HMBOX1: variants seen among roughly 807,000 people sequenced by gnomAD.
HMBOX1 encodes homeobox containing 1, also known as homeobox-containing protein 1.
HMBOX1 carries 14 observed loss-of-function variants against 54.5 expected under a neutral mutation model. The observed-to-expected ratio is 0.26, with a 90% CI of 0.17 to 0.40. The LOEUF (loss-of-function observed/expected upper bound fraction) is 0.40. Among genes scored for constraint, HMBOX1 ranks in the 10% least tolerant of loss-of-function variants. The pLI is 1.00. For synonymous variants in HMBOX1, 160 were observed against 181.0 expected (o/e 0.88, Z 0.93); for missense variants, 332 against 514.4 (o/e 0.65, Z 3.43).
Position 29,047,389 on chromosome 8 carries a change from C to G in HMBOX1, c.966C>G (p.Thr322=), listed in dbSNP as rs2133375532. Residue 322 remains threonine, a synonymous_variant, in exon 8 of 10, where the codon ACC becomes ACG. Coordinates refer to ENST00000287701, the MANE Select transcript of HMBOX1 (RefSeq NM_001135726.3). ...AGCTGTCAGATCTGGAAAGAGTTAC[C>G]TCCCTGAAAGTATATAATTGGTTTG... ...GKKLSDLERV[T]SLKVYNWFAN... is the part of the protein sequence containing the mutation. 1.2e-6 allele frequency: 2 copies of G among 1,609,850 alleles called. No homozygotes were observed. The highest frequency in any genetic ancestry group is 2.2e-5 in the East Asian group (1 of 44,838).
intron 6 of HMBOX1, among the ~76,000 whole-genome samples, chr8:29,025,207 C>T (rs750708409): frequency 6.6e-6 from 1 of 152,158 alleles, no homozygotes; most frequent in Non-Finnish European, 1.5e-5. Context: ...CCTAGTCACA[C>T]ATTGAATGAC....
intron 1 of HMBOX1, among the ~76,000 whole-genome samples, chr8:28,896,386 G>A (rs920523967): frequency 2.4e-5 from 3 of 123,830 alleles, no homozygotes; most frequent in South Asian, 2.3e-4. Flanking sequence ...TCACAGGTGT[G>A]TAGATTGCAT....
At chr8:28,988,739 A>G (rs1297968200) in intron 4 of HMBOX1, among the ~76,000 whole-genome samples, 2 of 151,904 alleles carry the variant, frequency 1.3e-5, no homozygotes, top group African/African-American at 2.4e-5. Context: ...CTTGGGTGAC[A>G]TGTCTGTCAA....
rs1471155520 is a variant in HMBOX1 at position 28,970,326 on chromosome 8, A to G, written c.307A>G (p.Asn103Asp). Reference protein sequence around the residue: ...QHSGMSPSPSNSYDTSPQPCT... With the variant: ...QHSGMSPSPSDSYDTSPQPCT... ...TTCGGGAATGTCCCCGTCACCTAGC[A>G]ACAGTTATGATACTTCCCCACAGCC... The change falls in exon 3 of 10, where the codon AAC becomes GAC. Residue 103 changes from asparagine (N) to aspartate (D), a missense_variant. Physicochemically the swap from Asn to Asp is conservative, Grantham distance 23 (BLOSUM62 1). Transcript: ENST00000287701. The surrounding 1 kb of genome is among the most constrained non-coding windows in gnomAD (Gnocchi z 4.3). The G allele has an allele frequency of 6.2e-7, 1 of 1,614,208 alleles. No individual in the cohort carries two copies. The highest frequency in any genetic ancestry group is 2.2e-5 in the East Asian group (1 of 44,874).
In HMBOX1 at chr8:28,970,996, ACAC is replaced by A. The variant is rs1827299948; in HGVS notation, c.500+478_500+480del. Among the ~76,000 whole-genome samples, 1 of 142,026 alleles carries A rather than the reference ACAC, an allele frequency of 7.0e-6. No individual in the cohort carries two copies. Among genetic ancestry groups the A allele is most frequent in the Non-Finnish European group, 1.6e-5 (1 of 64,300 alleles). 93.2% of individuals were successfully genotyped at this position (142,026 alleles called of 152,430 possible). On this transcript the variant is annotated intron_variant, in intron 3 of 9. Transcript: ENST00000287701. The surrounding 1 kb of genome is among the most constrained non-coding windows in gnomAD (Gnocchi z 4.3). ...AGCAATAGATGACACACACACACAC[ACAC>A]ACACACACACACACACACACACACA...
At chr8:29,011,649 G>T (rs1395755410) in intron 5 of HMBOX1, among the ~76,000 whole-genome samples, 1 of 152,202 alleles carries the variant, frequency 6.6e-6, no homozygotes, top group Non-Finnish European at 1.5e-5. Flanking sequence ...CTGATAGCCA[G>T]TTGTGGAATA....
intron 4 of HMBOX1, among the ~76,000 whole-genome samples, chr8:28,995,161 C>A (rs1043173825): frequency 1.3e-5 from 2 of 152,146 alleles, no homozygotes; most frequent in African/African-American, 4.8e-5. Flanking sequence ...CAGTAATTTC[C>A]AGTCCCCCAG....
intron 1 of HMBOX1, among the ~76,000 whole-genome samples, chr8:28,895,714 A>C (rs545456109): frequency 6.6e-6 from 1 of 152,236 alleles, no homozygotes; most frequent in East Asian, 1.9e-4. Flanking sequence ...TATTGTTAAA[A>C]CATGAAATCC....
At chr8:28,982,082 A>C (rs541656736) in intron 4 of HMBOX1, among the ~76,000 whole-genome samples, 2 of 152,142 alleles carry the variant, frequency 1.3e-5, no homozygotes, top group African/African-American at 4.8e-5. Context: ...CTAAAAACAC[A>C]AAAAGCCAGG....
chr8:28,938,072 A>G (rs1306015873), intron 1 of HMBOX1, among the ~76,000 whole-genome samples: 1 of 152,136 alleles, frequency 6.6e-6, no homozygotes, highest in Non-Finnish European at 1.5e-5. Context: ...TAGAGTTCTT[A>G]TATGTCTGGT....
intron 6 of HMBOX1, among the ~76,000 whole-genome samples, chr8:29,043,182 G>C (rs1805093113): frequency 6.6e-6 from 1 of 152,142 alleles, no homozygotes; most frequent in South Asian, 2.1e-4. Context: ...TCATTGCTTT[G>C]TACAAGCCCC....
intron 1 of HMBOX1, among the ~76,000 whole-genome samples, chr8:28,951,546 T>TAAC (rs368971433): frequency 3.3e-5 from 5 of 152,152 alleles, no homozygotes; most frequent in East Asian, 3.8e-4. Flanking sequence ...CTATTTTGTT[T>TAAC]AACAACAACA....
At chr8:29,019,040 T>G in intron 6 of HMBOX1, 127 bp downstream of exon 6, 2 of 711,496 alleles carry the variant, frequency 2.8e-6, no homozygotes, top group Non-Finnish European at 4.7e-6. Flanking sequence ...AAAAGTACTT[T>G]AGAATATCAT....
chr8:28,940,357 C>G (rs895187742), intron 1 of HMBOX1, among the ~76,000 whole-genome samples: 2 of 152,100 alleles, frequency 1.3e-5, no homozygotes, highest in African/African-American at 2.4e-5. Flanking sequence ...ATCATTAGTT[C>G]CTAAGGTGAA....
intron 6 of HMBOX1, among the ~76,000 whole-genome samples, chr8:29,034,099 T>C (rs1208335517): frequency 6.6e-6 from 1 of 152,216 alleles, no homozygotes; most frequent in Non-Finnish European, 1.5e-5. Context: ...ATTCACAACA[T>C]GTACAGAGGC....
At chr8:28,954,871 T>C (rs1373881856) in intron 1 of HMBOX1, among the ~76,000 whole-genome samples, 1 of 152,188 alleles carries the variant, frequency 6.6e-6, no homozygotes, top group Non-Finnish European at 1.5e-5. Flanking sequence ...AAAGTTTACT[T>C]TTTTTCTGTA....
intron 1 of HMBOX1, among the ~76,000 whole-genome samples, chr8:28,914,245 T>C (rs947049632): frequency 6.6e-6 from 1 of 152,168 alleles, no homozygotes. Context: ...AAGTTCAGTG[T>C]GTACATTTAT....
At chr8:29,001,549 CAAACAAAACA>C (rs59794853) in intron 4 of HMBOX1, among the ~76,000 whole-genome samples, 86,934 of 149,522 alleles carry the variant, frequency 0.58, 25,625 homozygotes, top group Admixed American at 0.68. Context: ...GATTCCATCT[CAAACAAAACA>C]AAACAAAACA....
At chr8:28,998,106 G>A (rs1456384958) in intron 4 of HMBOX1, among the ~76,000 whole-genome samples, 2 of 152,136 alleles carry the variant, frequency 1.3e-5, no homozygotes, top group East Asian at 3.8e-4. Context: ...ACTCTATTCA[G>A]ATTTTCTGGG....
Sources: gnomAD v4.1 joint callset for allele counts (sites outside exome capture counted in the v4.1 genomes callset) on GRCh38, gnomAD v4.1.1 for gene constraint, Gnocchi (gnomAD v3.1) non-coding constraint, MANE v1.5 for transcripts, NCBI Gene and HGNC (gene_info 2026-07-23, HGNC 2026-07-21) for gene names.